BACE2: variants seen among roughly 807,000 people sequenced by gnomAD.
BACE2 encodes beta-secretase 2.
BACE2 carries 17 observed loss-of-function variants against 46.2 expected under a neutral mutation model. That is an observed-to-expected ratio of 0.37 (90% CI 0.25 to 0.55). The LOEUF (loss-of-function observed/expected upper bound fraction) is 0.55, where lower values mean the gene tolerates loss of function less well. Among genes scored for constraint, BACE2 ranks in the 20% least tolerant of loss-of-function variants. BACE2 has a pLI of 0.82. For synonymous variants in BACE2, 277 were observed against 295.9 expected, an observed-to-expected ratio of 0.94 and a Z score of 0.66; for missense variants, 595 against 698.1, an observed-to-expected ratio of 0.85 and a Z score of 1.66.
intron 1 of BACE2, chr21:41,179,003 G>A (rs1338585212): frequency 1.1e-6 from 1 of 924,270 alleles, no homozygotes; most frequent in East Asian, 6.3e-5. Flanking sequence ...GGCTTGAGGA[G>A]GACTGAGCCT....
intron 2 of BACE2, among the ~76,000 whole-genome samples, chr21:41,233,753 G>T (rs1018543678): frequency 3.3e-5 from 5 of 152,228 alleles, no homozygotes; most frequent in Admixed American, 6.5e-5. Context: ...CTGAGTTCAG[G>T]AGTTTGAGAC....
chr21:41,216,239 G>A (rs1408394774), intron 1 of BACE2, among the ~76,000 whole-genome samples: 1 of 152,226 alleles, frequency 6.6e-6, no homozygotes, highest in Non-Finnish European at 1.5e-5. Context: ...GGGCCGCTCA[G>A]ACACATGATG....
intron 8 of BACE2, among the ~76,000 whole-genome samples, chr21:41,271,063 A>G (rs1021258016): frequency 6.6e-6 from 1 of 152,166 alleles, no homozygotes; most frequent in East Asian, 1.9e-4. Flanking sequence ...TACTATATTT[A>G]CTTCTAGTAA....
intron 8 of BACE2, among the ~76,000 whole-genome samples, chr21:41,267,842 T>C (rs2088394786): frequency 6.6e-6 from 1 of 152,194 alleles, no homozygotes; most frequent in African/African-American, 2.4e-5. Flanking sequence ...AACTCCAGAA[T>C]GTTTTTCTAA....
intron 3 of BACE2, among the ~76,000 whole-genome samples, chr21:41,240,124 A>ATGTGGCTGGGAAC (rs1987245872): frequency 6.6e-6 from 1 of 152,232 alleles, no homozygotes; most frequent in Admixed American, 6.5e-5. Flanking sequence ...AGGAAGCAGA[A>ATGTGGCTGGGAAC]TGTGGCTGGG....
intron 1 of BACE2, among the ~76,000 whole-genome samples, chr21:41,216,954 T>C (rs1425868770): frequency 1.3e-5 from 2 of 152,128 alleles, no homozygotes; most frequent in African/African-American, 4.8e-5. Flanking sequence ...TTCTCTGAGA[T>C]GGAGTCTCGC....
At chr21:41,169,444 G>T in intron 1 of BACE2, among the ~76,000 whole-genome samples, 1 of 131,496 alleles carries the variant, frequency 7.6e-6, no homozygotes, top group South Asian at 2.4e-4. Flanking sequence ...CAAGCACAGT[G>T]ATCTGAAAAA....
At chr21:41,270,755 C>A (rs1020568056) in intron 8 of BACE2, among the ~76,000 whole-genome samples, 7 of 152,136 alleles carry the variant, frequency 4.6e-5, no homozygotes, top group African/African-American at 1.7e-4. Context: ...GTAAATATTT[C>A]TTGTGCTCTT....
chr21:41,242,339 T>TTCTC (rs56942862), intron 4 of BACE2, among the ~76,000 whole-genome samples: 36 of 148,858 alleles, frequency 2.4e-4, no homozygotes, highest in East Asian at 4.1e-4. Context: ...TGTAGATCCT[T>TTCTC]TCTCTCTCTC....
rs1984449822 is a variant in BACE2 at position 41,168,214 on chromosome 21, C to G, written c.-50C>G. ...GAGTCGCTGAGCCGCGGCTGCCGGA[C>G]GGGACGGGACCGGCTAGGCTGGGCG... On this transcript the variant is annotated 5_prime_UTR_variant, in exon 1 of 9. Coordinates refer to ENST00000330333, the MANE Select transcript of BACE2 (RefSeq NM_012105.5). 2 of 1,050,892 alleles carry G rather than the reference C, an allele frequency of 1.9e-6. No individual in the cohort carries two copies. 65.1% of individuals were successfully genotyped at this position (1,050,892 alleles called of 1,614,324 possible).
intron 2 of BACE2, among the ~76,000 whole-genome samples, chr21:41,228,983 T>C (rs1257629945): frequency 2.0e-5 from 3 of 152,236 alleles, no homozygotes; most frequent in Non-Finnish European, 2.9e-5. Flanking sequence ...CCCATGTTGA[T>C]GCCCAGAGCG....
intron 1 of BACE2, chr21:41,181,860 A>G (rs1040545837): frequency 6.0e-6 from 1 of 167,048 alleles, no homozygotes; most frequent in Non-Finnish European, 1.5e-5. Context: ...CAAATCTGGC[A>G]GCCATAAAGA....
rs2088521899 is a variant in BACE2 at position 41,279,352 on chromosome 21, T to A, written c.*3728T>A. 1 of 152,154 alleles carries A rather than the reference T, an allele frequency of 6.6e-6. No homozygotes were observed. Among genetic ancestry groups the A allele is most frequent in the Non-Finnish European group, 1.5e-5 (1 of 68,042 alleles). The allele number at this position is 152,154 out of a possible 1,614,324, so 9.4% of individuals were successfully genotyped here. On this transcript the variant is annotated 3_prime_UTR_variant, in exon 9 of 9. Coordinates refer to ENST00000330333, the MANE Select transcript of BACE2 (RefSeq NM_012105.5). ...AGCTCGTGCCTGTAATCCCAGCACT[T>A]TGGGAGGCCGAGGCAGGTGGATCAC...
intron 1 of BACE2, chr21:41,181,203 G>A: frequency 6.0e-6 from 1 of 167,112 alleles, no homozygotes; most frequent in East Asian, 1.9e-4. Context: ...AAGAAGAGGT[G>A]ACTCCTTAGG....
Position 41,277,942 on chromosome 21 carries a change from T to A in BACE2, c.*2318T>A, listed in dbSNP as rs1335542846. ...TCGCAACAAGAATGAGATAGACAAT[T>A]GAATGTGGGACATTTTTCTGGCATG... On this transcript the variant is annotated 3_prime_UTR_variant, in exon 9 of 9. Transcript: ENST00000330333. 2 of 152,210 alleles carry A rather than the reference T, an allele frequency of 1.3e-5. No individual in the cohort carries two copies. The highest frequency in any genetic ancestry group is 2.9e-5 in the Non-Finnish European group (2 of 68,036). The allele number at this position is 152,210 out of a possible 1,614,324, so 9.4% of individuals were successfully genotyped here.
chr21:41,269,976 C>T (rs1488982418), intron 8 of BACE2, among the ~76,000 whole-genome samples: 1 of 152,172 alleles, frequency 6.6e-6, no homozygotes, highest in African/African-American at 2.4e-5. Flanking sequence ...ATGAAAGTTC[C>T]AGTTGTTAAA....
chr21:41,250,907 A>G lies in BACE2; in HGVS notation c.1134+6A>G, dbSNP rs763886101. On this transcript the variant is annotated splice_donor_region_variant and intron_variant, in intron 7 of 8. Transcript: ENST00000330333. Reference sequence around the variant, plus strand: ...GTATCACAATCCTGCCTCAGGTATGAACTTGGATTTGTGCTTTGCTCTTTT... The same window carrying G: ...GTATCACAATCCTGCCTCAGGTATGGACTTGGATTTGTGCTTTGCTCTTTT... 22 of 1,613,764 alleles carry G rather than the reference A, an allele frequency of 1.4e-5. No homozygotes were observed. The highest frequency in any genetic ancestry group is 1.8e-5 in the Non-Finnish European group (21 of 1,179,878).
intron 7 of BACE2, among the ~76,000 whole-genome samples, chr21:41,255,616 G>A (rs1987762319): frequency 6.6e-6 from 1 of 152,208 alleles, no homozygotes. Flanking sequence ...CGAGGGAGCA[G>A]GGACTGTGTG....
chr21:41,194,218 A>G (rs1977532), intron 1 of BACE2, among the ~76,000 whole-genome samples: 23,355 of 151,636 alleles, frequency 0.15, 1,959 homozygotes, highest in Non-Finnish European at 0.2. Context: ...GAACACCATG[A>G]TTAATTAACC....
Sources: allele counts gnomAD v4.1 joint callset (sites outside exome capture counted in the v4.1 genomes callset), GRCh38; gene constraint gnomAD v4.1.1; transcripts MANE v1.5; gene names NCBI Gene and HGNC (gene_info 2026-07-23, HGNC 2026-07-21).